The following ALCAM variants were observed in gnomAD, a reference collection of about 807,000 sequenced individuals.
ALCAM encodes CD166 antigen.
ALCAM carries 30 observed loss-of-function variants against 70.9 expected under a neutral mutation model. That is an observed-to-expected ratio of 0.42 (90% confidence interval 0.32 to 0.57). ALCAM has a LOEUF of 0.57. ALCAM is among the 20% of genes least tolerant of loss of function. ALCAM has a pLI of 0.11. For synonymous variants in ALCAM, 249 were observed against 242.5 expected (o/e 1.03, Z -0.25); for missense variants, 591 against 695.1 (o/e 0.85, Z 1.68).
chr3:105,382,227 A>C (rs1028076272), intron 1 of ALCAM, among the ~76,000 whole-genome samples: 6 of 151,840 alleles, frequency 4.0e-5, no homozygotes, highest in African/African-American at 1.5e-4. Context: ...ACTGAGAATG[A>C]TGATTTCCAA....
At position 105,383,680 on chromosome 3, in the gene ALCAM, A is replaced by C. The variant is rs532121248; in HGVS notation, c.73+16199A>C. 1.2e-4 allele frequency among the ~76,000 whole-genome samples: 18 copies of C among 151,826 alleles called. No individual in the cohort carries two copies. In the South Asian group the frequency reaches 2.7e-3, roughly 23 times the overall value. ...ATGGAATAAAGTTAGATTTCTTCTG[A>C]GTGCCAATCCAAGTTAACATAAGTA... On this transcript the variant is annotated intron_variant, in intron 1 of 15. Transcript: ENST00000306107.
chr3:105,409,020 T>C (rs1350680116), intron 1 of ALCAM, among the ~76,000 whole-genome samples: 1 of 151,908 alleles, frequency 6.6e-6, no homozygotes, highest in East Asian at 1.9e-4. Flanking sequence ...TCCTGAAGAA[T>C]GACCATAATC....
intron 1 of ALCAM, among the ~76,000 whole-genome samples, chr3:105,468,699 A>G (rs1336580240): frequency 1.3e-5 from 2 of 151,290 alleles, no homozygotes; most frequent in Admixed American, 6.6e-5. Context: ...AATGACCAAG[A>G]GTACATAAAG....
At chr3:105,438,056 C>T (rs1386687974) in intron 1 of ALCAM, among the ~76,000 whole-genome samples, 1 of 152,124 alleles carries the variant, frequency 6.6e-6, no homozygotes, top group African/African-American at 2.4e-5. Flanking sequence ...CTCTGCTGCC[C>T]ACTAATAGCC....
intron 1 of ALCAM, among the ~76,000 whole-genome samples, chr3:105,389,776 C>T (rs1369135382): frequency 6.6e-6 from 1 of 151,098 alleles, no homozygotes; most frequent in Non-Finnish European, 1.5e-5. Context: ...GTGTTGTCCC[C>T]CTCCCTGTGT....
intron 15 of ALCAM, among the ~76,000 whole-genome samples, chr3:105,574,233 GA>G: frequency 6.6e-6 from 1 of 151,486 alleles, no homozygotes; most frequent in South Asian, 2.1e-4. Context: ...ATATTTTCTT[GA>G]AAAAAAACTT....
intron 1 of ALCAM, among the ~76,000 whole-genome samples, chr3:105,417,777 T>G (rs1378230702): frequency 2.6e-5 from 4 of 151,902 alleles, no homozygotes; most frequent in African/African-American, 9.7e-5. Flanking sequence ...AGTATTAACA[T>G]TGAATAGTGT....
At chr3:105,367,620 G>A in intron 1 of ALCAM, 139 bp downstream of exon 1, 1 of 967,874 alleles carries the variant, frequency 1.0e-6, no homozygotes, top group South Asian at 1.6e-5. Context: ...CTGGCACAGA[G>A]CTGTCCCCGG....
intron 3 of ALCAM, among the ~76,000 whole-genome samples, chr3:105,529,430 C>T (rs965134853): frequency 1.3e-5 from 2 of 152,096 alleles, no homozygotes; most frequent in Non-Finnish European, 1.5e-5. Flanking sequence ...TAAAATAGTG[C>T]ATGTCCTCTT....
At chr3:105,553,305 C>G (rs2152632358) in intron 14 of ALCAM, 1 of 189,728 alleles carries the variant, frequency 5.3e-6, no homozygotes, top group South Asian at 1.8e-4. Flanking sequence ...TCATCTCACT[C>G]CCAACCCTAG....
intron 1 of ALCAM, among the ~76,000 whole-genome samples, chr3:105,479,489 A>T (rs1049991113): frequency 2.4e-4 from 37 of 152,208 alleles, no homozygotes; most frequent in Admixed American, 1.5e-3. Flanking sequence ...TTTTAATGAC[A>T]TGAAAATGCT....
At chr3:105,455,534 A>G (rs1459986638) in intron 1 of ALCAM, among the ~76,000 whole-genome samples, 2 of 152,202 alleles carry the variant, frequency 1.3e-5, no homozygotes, top group Non-Finnish European at 1.5e-5. Context: ...CACACGAATA[A>G]CAAACATAAA....
At chr3:105,572,588 G>A (rs1940881953) in intron 15 of ALCAM, among the ~76,000 whole-genome samples, 1 of 152,070 alleles carries the variant, frequency 6.6e-6, no homozygotes, top group Admixed American at 6.6e-5. Context: ...TAATTCTTTG[G>A]CTATATACGC....
chr3:105,448,962 T>C (rs866528515), intron 1 of ALCAM, among the ~76,000 whole-genome samples: 2 of 152,190 alleles, frequency 1.3e-5, no homozygotes, highest in African/African-American at 4.8e-5. Context: ...GAACTGCTTT[T>C]AGGCTCTTTG....
chr3:105,569,578 G>A (rs1015869059), intron 14 of ALCAM, among the ~76,000 whole-genome samples: 2 of 152,074 alleles, frequency 1.3e-5, no homozygotes, highest in African/African-American at 4.8e-5. Flanking sequence ...TCATATTGGT[G>A]AACACTAATA....
intron 1 of ALCAM, among the ~76,000 whole-genome samples, chr3:105,378,469 A>T (rs1935432972): frequency 6.6e-6 from 1 of 151,902 alleles, no homozygotes; most frequent in Non-Finnish European, 1.5e-5. Flanking sequence ...ATTTTAAGGT[A>T]TAGGTTTTAT....
At chr3:105,537,703 C>T (rs1012616905) in intron 6 of ALCAM, among the ~76,000 whole-genome samples, 1 of 152,118 alleles carries the variant, frequency 6.6e-6, no homozygotes, top group Non-Finnish European at 1.5e-5. Context: ...TTCCTAGTCT[C>T]ATGTAATGAT....
chr3:105,397,483 A>G (rs1321130599), intron 1 of ALCAM, among the ~76,000 whole-genome samples: 1 of 151,950 alleles, frequency 6.6e-6, no homozygotes, highest in Non-Finnish European at 1.5e-5. Flanking sequence ...AAGTATAGAG[A>G]TAATAGATTT....
chr3:105,545,438 T>A, intron 9 of ALCAM, 103 bp downstream of exon 9: 1 of 731,094 alleles, frequency 1.4e-6, no homozygotes, highest in South Asian at 1.7e-5. Flanking sequence ...ATGGATGTGT[T>A]TATATACCAG....
Sources: gnomAD v4.1 joint callset for allele counts (sites outside exome capture counted in the v4.1 genomes callset) on GRCh38, gnomAD v4.1.1 for gene constraint, MANE v1.5 for transcripts, NCBI Gene and HGNC (gene_info 2026-07-23, HGNC 2026-07-21) for gene names.